IL2RB: variants seen among roughly 807,000 people sequenced by gnomAD.
IL2RB encodes interleukin 2 receptor subunit beta, also known as interleukin-2 receptor subunit beta.
IL2RB carries 17 observed loss-of-function variants against 44.2 expected under a neutral mutation model. The observed-to-expected ratio is 0.38, with a 90% CI of 0.26 to 0.58. IL2RB has a LOEUF of 0.58. Ranked by LOEUF, IL2RB falls within the 20% of genes least tolerant of loss-of-function variation. The probability of loss-of-function intolerance (pLI) is 0.63; values close to 1 mark genes in which losing one functional copy is unlikely to be tolerated. For missense variants in IL2RB, 624 were observed against 685.5 expected (o/e 0.91, Z 1.00); for synonymous variants, 286 against 297.9 (o/e 0.96, Z 0.41).
intron 1 of IL2RB, among the ~76,000 whole-genome samples, chr22:37,163,625 G>GC (rs1320419478): frequency 2.0e-5 from 3 of 152,214 alleles, no homozygotes; most frequent in African/African-American, 7.2e-5. Context: ...ACTCTTCTCA[G>GC]CCCTTGGGAG....
At chr22:37,164,245 G>T (rs1016380060) in intron 1 of IL2RB, among the ~76,000 whole-genome samples, 2 of 152,098 alleles carry the variant, frequency 1.3e-5, no homozygotes, top group Non-Finnish European at 2.9e-5. Context: ...GAGAACCCCA[G>T]CCTCACTCCT....
At chr22:37,167,881 G>A (rs1923136533) in intron 1 of IL2RB, among the ~76,000 whole-genome samples, 1 of 152,230 alleles carries the variant, frequency 6.6e-6, no homozygotes, top group South Asian at 2.1e-4. Context: ...GGGAAGCAAG[G>A]GAGGAAGGGA....
chr22:37,150,699 G>A (rs184602646), upstream of IL2RB, among the ~76,000 whole-genome samples: 28 of 150,552 alleles, frequency 1.9e-4, no homozygotes, highest in African/African-American at 6.1e-4. Context: ...TTCTGTTTTC[G>A]TACCCAACAA....
intron 1 of IL2RB, among the ~76,000 whole-genome samples, chr22:37,160,251 C>T (rs2145735876): frequency 6.6e-6 from 1 of 152,334 alleles, no homozygotes; most frequent in East Asian, 1.9e-4. Context: ...GGGATGGCAG[C>T]TTATCCGTGG....
chr22:37,155,346 T>C (rs1270564640), intron 1 of IL2RB, among the ~76,000 whole-genome samples: 1 of 152,130 alleles, frequency 6.6e-6, no homozygotes, highest in Non-Finnish European at 1.5e-5. Flanking sequence ...TTTCCCAAAC[T>C]CAAATCACGT....
chr22:37,173,871 G>A (rs1028905425), intron 1 of IL2RB, among the ~76,000 whole-genome samples: 5 of 152,198 alleles, frequency 3.3e-5, no homozygotes, highest in East Asian at 1.9e-4. Flanking sequence ...ACCAGGGGAC[G>A]CTCAGGGATC....
intron 1 of IL2RB, among the ~76,000 whole-genome samples, chr22:37,171,873 A>G (rs768061542): frequency 1.3e-5 from 2 of 152,156 alleles, no homozygotes; most frequent in Non-Finnish European, 1.5e-5. Context: ...ACCCAAACAC[A>G]TATGGGCAGA....
chr22:37,164,450 C>A (rs1191642091), intron 1 of IL2RB, among the ~76,000 whole-genome samples: 1 of 119,834 alleles, frequency 8.3e-6, no homozygotes, highest in Non-Finnish European at 1.7e-5. Flanking sequence ...CTGCATGAAG[C>A]AGTGTGGCAG....
intron 7 of IL2RB, 93 bp downstream of exon 7, chr22:37,136,134 AC>A (rs1277061490): frequency 7.4e-7 from 1 of 1,353,136 alleles, no homozygotes; most frequent in African/African-American, 1.4e-5. Flanking sequence ...TGACTGCTAT[AC>A]CCTCACCCCA....
At chr22:37,139,625 A>T (rs779943078) in intron 4 of IL2RB, among the ~76,000 whole-genome samples, 27 of 152,218 alleles carry the variant, frequency 1.8e-4, no homozygotes, top group Non-Finnish European at 3.2e-4. Flanking sequence ...GAGGCATGCA[A>T]GCTGGTAAGC....
chr22:37,163,030 C>T (rs142438874), intron 1 of IL2RB, among the ~76,000 whole-genome samples: 6 of 152,332 alleles, frequency 3.9e-5, no homozygotes, highest in African/African-American at 1.4e-4. Context: ...GTTTGGAGAC[C>T]TAAGTTTGAG....
intron 1 of IL2RB, among the ~76,000 whole-genome samples, chr22:37,144,478 C>T (rs1204139450): frequency 6.6e-6 from 1 of 152,256 alleles, no homozygotes; most frequent in African/African-American, 2.4e-5. Context: ...AGGCGTGTGG[C>T]TCATGCCTGT....
intron 1 of IL2RB, among the ~76,000 whole-genome samples, chr22:37,173,032 T>A (rs969377611): frequency 1.3e-5 from 2 of 152,142 alleles, no homozygotes; most frequent in Non-Finnish European, 2.9e-5. Flanking sequence ...CTGGACAAGA[T>A]CGAATATCCC....
chr22:37,145,274 G>C (rs1922169758), intron 1 of IL2RB, among the ~76,000 whole-genome samples: 1 of 152,192 alleles, frequency 6.6e-6, no homozygotes, highest in Admixed American at 6.5e-5. Flanking sequence ...CTGCCTGGAA[G>C]CTCCCTGGAG....
chr22:37,152,899 T>C (rs1922546972), upstream of IL2RB, among the ~76,000 whole-genome samples: 1 of 150,494 alleles, frequency 6.6e-6, no homozygotes, highest in Non-Finnish European at 1.5e-5. Context: ...ATTCCCTGTT[T>C]CAGAGGGGTT....
intron 1 of IL2RB, among the ~76,000 whole-genome samples, chr22:37,174,224 GGTTC>G (rs1164450351): frequency 1.3e-5 from 2 of 152,212 alleles, no homozygotes; most frequent in African/African-American, 4.8e-5. Context: ...GAAACGGAAG[GGTTC>G]GTCGCTGGGT....
At chr22:37,161,237 G>A (rs555618899) in intron 1 of IL2RB, among the ~76,000 whole-genome samples, 1 of 152,144 alleles carries the variant, frequency 6.6e-6, no homozygotes, top group Non-Finnish European at 1.5e-5. Context: ...CACCACAGCC[G>A]GCCCATATGT....
intron 1 of IL2RB, among the ~76,000 whole-genome samples, chr22:37,149,570 A>C (rs1306690246): frequency 6.6e-6 from 1 of 152,186 alleles, no homozygotes; most frequent in Non-Finnish European, 1.5e-5. Flanking sequence ...ATCCCACAGC[A>C]GTCCCTAGCC....
chr22:37,144,228 G>A (rs926857815), intron 1 of IL2RB, 23 bp from the exon 2 acceptor site: 106 of 1,529,700 alleles, frequency 6.9e-5, no homozygotes, highest in Non-Finnish European at 8.4e-5. Flanking sequence ...GAGAAAGAGA[G>A]AGCACACGTA....
Sources: allele counts gnomAD v4.1 joint callset (sites outside exome capture counted in the v4.1 genomes callset), GRCh38; gene constraint gnomAD v4.1.1; transcripts MANE v1.5; gene names NCBI Gene and HGNC (gene_info 2026-07-23, HGNC 2026-07-21).